Variants in ADGRL2 observed in about 807,000 individuals in gnomAD.
The protein encoded by ADGRL2 is calcium-independent alpha-latrotoxin receptor 2.
A neutral mutation model predicts 157.4 loss-of-function variants in ADGRL2; 44 were observed. The ratio of observed to expected loss-of-function variants is 0.28; its 90% CI spans 0.22 to 0.36. ADGRL2 has a LOEUF of 0.36. Among genes scored for constraint, ADGRL2 ranks in the 10% least tolerant of loss-of-function variants. The pLI, the probability that ADGRL2 is intolerant of heterozygous loss-of-function variation, is 1.00. For synonymous variants in ADGRL2, 585 were observed against 624.7 expected, an observed-to-expected ratio of 0.94 and a Z score of 0.95; for missense variants, 1,510 against 1,768.9, an observed-to-expected ratio of 0.85 and a Z score of 2.63.
intron 2 of ADGRL2, among the ~76,000 whole-genome samples, chr1:81,576,253 G>T (rs2080795941): frequency 6.6e-6 from 1 of 152,028 alleles, no homozygotes; most frequent in Non-Finnish European, 1.5e-5. Flanking sequence ...TAATTAAAAT[G>T]TTGCTCTTTT....
Position 81,504,475 on chromosome 1 carries a change from T to C in ADGRL2, c.-248+59386T>C, listed in dbSNP as rs2078925272. Among the ~76,000 whole-genome samples, 3 of 152,086 alleles carry C rather than the reference T, an allele frequency of 2.0e-5. No homozygotes were observed. The South Asian group carries it at 6.2e-4, about 31-fold the overall frequency. On this transcript the variant is annotated intron_variant, in intron 2 of 24. Transcript: ENST00000370721. Reference sequence around the variant, plus strand: ...TTGCATCTCTGAAATCTTTTTTATATGTGTTTTGCTGACTTTTTTTTTTAT... The same window carrying C: ...TTGCATCTCTGAAATCTTTTTTATACGTGTTTTGCTGACTTTTTTTTTTAT...
chr1:81,837,790 C>T (rs577817418), intron 2 of ADGRL2, among the ~76,000 whole-genome samples: 1 of 151,760 alleles, frequency 6.6e-6, no homozygotes, highest in African/African-American at 2.4e-5. Flanking sequence ...TTTTCTTAGT[C>T]TTAAATATTA....
At chr1:81,932,745 G>T (rs192301163) in intron 3 of ADGRL2, among the ~76,000 whole-genome samples, 32 of 152,216 alleles carry the variant, frequency 2.1e-4, no homozygotes, top group Admixed American at 2.1e-3. Context: ...CCAGGCTGGA[G>T]TGCAATGGTG....
chr1:81,548,401 G>C (rs561691009), intron 2 of ADGRL2, among the ~76,000 whole-genome samples: 1 of 151,654 alleles, frequency 6.6e-6, no homozygotes, highest in African/African-American at 2.4e-5. Flanking sequence ...TCAGGCTAAG[G>C]TAATTTTTCA....
At chr1:81,340,482 A>G (rs1661992297) in intron 1 of ADGRL2, among the ~76,000 whole-genome samples, 1 of 152,124 alleles carries the variant, frequency 6.6e-6, no homozygotes, top group Non-Finnish European at 1.5e-5. Context: ...TGGACTTTCC[A>G]TGGTCCTGGC....
At chr1:81,326,944 T>C (rs1660942823) in intron 1 of ADGRL2, among the ~76,000 whole-genome samples, 1 of 152,212 alleles carries the variant, frequency 6.6e-6, no homozygotes, top group Admixed American at 6.5e-5. Flanking sequence ...TGATTATTTT[T>C]CCAGTTCCTC....
intron 2 of ADGRL2, among the ~76,000 whole-genome samples, chr1:81,887,592 C>T (rs575133628): frequency 3.2e-4 from 48 of 152,018 alleles, no homozygotes; most frequent in African/African-American, 1.1e-3. Context: ...AAGGAAACAC[C>T]GGGCTGCATG....
intron 3 of ADGRL2, among the ~76,000 whole-genome samples, chr1:81,683,493 C>T (rs1370329769): frequency 6.6e-6 from 1 of 152,122 alleles, no homozygotes; most frequent in African/African-American, 2.4e-5. Flanking sequence ...CATTGTTATG[C>T]CTTTGCGTCC....
chr1:81,417,819 T>TA (rs1280412624), intron 1 of ADGRL2, among the ~76,000 whole-genome samples: 1 of 152,336 alleles, frequency 6.6e-6, no homozygotes, highest in Non-Finnish European at 1.5e-5. Context: ...TGGTGATTTT[T>TA]AAAAAATATG....
chr1:81,812,945 C>T (rs894064797), intron 1 of ADGRL2, among the ~76,000 whole-genome samples: 1 of 151,788 alleles, frequency 6.6e-6, no homozygotes, highest in Admixed American at 6.6e-5. Context: ...CTGTTTATGA[C>T]TCTGTGCCAG....
intron 4 of ADGRL2, 80 bp from the exon 5 acceptor site, chr1:81,941,950 TAGAC>T: frequency 2.9e-6 from 2 of 682,868 alleles, no homozygotes; most frequent in Admixed American, 4.3e-5. Context: ...AATTCAGTCT[TAGAC>T]TAATAGTCAA....
intron 3 of ADGRL2, among the ~76,000 whole-genome samples, chr1:81,592,806 G>A (rs567384576): frequency 2.0e-5 from 3 of 152,036 alleles, no homozygotes; most frequent in African/African-American, 4.8e-5. Flanking sequence ...GTGGGGAAGT[G>A]GGTGCAGGCA....
chr1:81,428,383 T>C lies in ADGRL2; in HGVS notation c.-301-16653T>C, dbSNP rs7528815. Among the ~76,000 whole-genome samples, 842 of 151,682 alleles carry C rather than the reference T, an allele frequency of 5.6e-3. 9 individuals carry two copies. The highest frequency in any genetic ancestry group is 0.019 in the African/African-American group (804 of 41,344). Reference sequence around the variant, plus strand: ...TATGCCAAGAGGCTATATTTTAGGATATCATGTTGCAGGTGCAAAAGGAAC... The same window carrying C: ...TATGCCAAGAGGCTATATTTTAGGACATCATGTTGCAGGTGCAAAAGGAAC... On this transcript the variant is annotated intron_variant, in intron 1 of 24. Transcript: ENST00000370721.
intron 5 of ADGRL2, 127 bp downstream of exon 5, chr1:81,942,172 C>G (rs1036888629): frequency 2.1e-6 from 1 of 469,940 alleles, no homozygotes; most frequent in Non-Finnish European, 3.9e-6. Context: ...AATGCCACCT[C>G]ATAAGGAAGT....
intron 1 of ADGRL2, among the ~76,000 whole-genome samples, chr1:81,334,076 G>A (rs78361086): frequency 6.6e-6 from 1 of 152,126 alleles, no homozygotes; most frequent in Non-Finnish European, 1.5e-5. Context: ...CCAGTTTATG[G>A]CATTTTGTTA....
intron 2 of ADGRL2, among the ~76,000 whole-genome samples, chr1:81,499,747 T>G (rs367782733): frequency 5.3e-4 from 81 of 152,292 alleles, no homozygotes; most frequent in African/African-American, 1.8e-3. Context: ...ACATGCAGAA[T>G]TGGGTGTCAA....
chr1:81,615,430 G>A (rs773402204), intron 3 of ADGRL2, among the ~76,000 whole-genome samples: 44 of 152,144 alleles, frequency 2.9e-4, no homozygotes, highest in Non-Finnish European at 4.4e-4. Context: ...GGGTCTATGC[G>A]CCACCTTTAA....
chr1:81,519,097 T>A (rs2148147634), intron 2 of ADGRL2, among the ~76,000 whole-genome samples: 1 of 152,282 alleles, frequency 6.6e-6, no homozygotes, highest in East Asian at 1.9e-4. Flanking sequence ...TATGCGTATG[T>A]CCAAGGTCAC....
chr1:81,392,486 G>C (rs995243130), intron 1 of ADGRL2, among the ~76,000 whole-genome samples: 1 of 151,948 alleles, frequency 6.6e-6, no homozygotes. Flanking sequence ...GCTTGACAGA[G>C]CCCCAAGGAA....
Sources: gnomAD v4.1 joint callset for allele counts (sites outside exome capture counted in the v4.1 genomes callset) on GRCh38, gnomAD v4.1.1 for gene constraint, MANE v1.5 for transcripts, NCBI Gene and HGNC (gene_info 2026-07-23, HGNC 2026-07-21) for gene names.